The following PAPLN variants were observed in gnomAD, a reference collection of about 807,000 sequenced individuals.
The protein encoded by PAPLN is papilin, proteoglycan like sulfated glycoprotein.
In PAPLN, 146 loss-of-function variants were observed where a neutral mutation model predicts 159.0. The observed-to-expected ratio is 0.92, with a 90% CI of 0.80 to 1.05. The LOEUF is 1.05. Among genes scored for constraint, PAPLN ranks in the 50% least tolerant of loss-of-function variants. PAPLN has a pLI of 0.00. For missense variants in PAPLN, 1,720 were observed against 1,743.9 expected, an observed-to-expected ratio of 0.99 and a Z score of 0.24; for synonymous variants, 734 against 702.9, an observed-to-expected ratio of 1.04 and a Z score of -0.70.
intron 6 of PAPLN, among the ~76,000 whole-genome samples, chr14:73,250,370 G>C (rs557017903): frequency 6.6e-6 from 1 of 152,182 alleles, no homozygotes; most frequent in Non-Finnish European, 1.5e-5. Flanking sequence ...GGCTAAAACC[G>C]ACTTCAGAAA....
At chr14:73,249,304 CAT>C (rs1440745405) in intron 5 of PAPLN, among the ~76,000 whole-genome samples, 3 of 152,146 alleles carry the variant, frequency 2.0e-5, no homozygotes, top group Non-Finnish European at 4.4e-5. Flanking sequence ...CTTCCCACAC[CAT>C]ATAGTCTTCA....
At chr14:73,248,020 GTGTGTGTGTT>G (rs1174421222) in intron 5 of PAPLN, among the ~76,000 whole-genome samples, 4 of 95,668 alleles carry the variant, frequency 4.2e-5, no homozygotes, top group Non-Finnish European at 8.3e-5. Flanking sequence ...GTGTGTGTGT[GTGTGTGTGTT>G]GGGATTGTGG....
At chr14:73,251,063 GC>G (rs1566681810) in intron 7 of PAPLN, 33 bp downstream of exon 7, 2 of 1,592,676 alleles carry the variant, frequency 1.3e-6, no homozygotes, top group African/African-American at 1.3e-5. Flanking sequence ...GCAGTTGCCT[GC>G]CCCCTTCCTT....
intron 5 of PAPLN, among the ~76,000 whole-genome samples, chr14:73,248,032 G>T: frequency 1.1e-5 from 1 of 94,440 alleles, no homozygotes; most frequent in Non-Finnish European, 2.0e-5. Flanking sequence ...GTGTGTGTTG[G>T]GATTGTGGCT....
chr14:73,245,695 AG>A lies in PAPLN; in HGVS notation c.231+1del. 1 of 1,548,306 alleles carries A rather than the reference AG, an allele frequency of 6.5e-7. No individual in the cohort carries two copies. Among genetic ancestry groups the A allele is most frequent in the African/African-American group, 1.4e-5 (1 of 73,576 alleles). On this transcript the variant is annotated frameshift_variant and splice_region_variant, in exon 4 of 27. Coordinates refer to ENST00000644200, the MANE Select transcript of PAPLN (RefSeq NM_001365906.3). LOFTEE classifies it high-confidence loss of function. This position sits in a 1 kb window ranked among gnomAD's most constrained non-coding sequence, Gnocchi z 4.2. ...CGGAGCCACCGCTCTTGTCGCACGG[AG>A]GTAAAGCTCACGGGGCGCGGGCGAA... is the stretch of plus-strand genomic sequence containing the variant. ...PARSHRSCRT[E>X]SCPDGARDFR...
At chr14:73,239,965 C>T in intron 2 of PAPLN, 133 bp downstream of exon 2, 1 of 1,414,322 alleles carries the variant, frequency 7.1e-7, no homozygotes, top group Non-Finnish European at 9.2e-7. Flanking sequence ...GGCGAGCCCG[C>T]ACCGCTGAGC....
chr14:73,249,178 C>G (rs115112033), intron 5 of PAPLN, among the ~76,000 whole-genome samples: 159 of 152,256 alleles, frequency 1.0e-3, no homozygotes, highest in African/African-American at 3.4e-3. Flanking sequence ...GCCCCTTTCA[C>G]AAGATCACTG....
chr14:73,254,853 C>G, intron 13 of PAPLN, 24 bp from the exon 14 acceptor site: 2 of 1,609,062 alleles, frequency 1.2e-6, no homozygotes, highest in South Asian at 2.2e-5. Flanking sequence ...CAGCATCTCT[C>G]TCTCTCCCAC....
upstream of PAPLN, among the ~76,000 whole-genome samples, chr14:73,237,225 G>A (rs746966036): frequency 6.6e-6 from 1 of 152,170 alleles, no homozygotes; most frequent in Non-Finnish European, 1.5e-5. Flanking sequence ...GAGCGGATAG[G>A]GCAAAGCTAG....
intron 26 of PAPLN, among the ~76,000 whole-genome samples, chr14:73,270,362 G>C (rs567712089): frequency 2.6e-5 from 4 of 152,362 alleles, no homozygotes; most frequent in South Asian, 4.1e-4. Flanking sequence ...GAGCCCCAAG[G>C]GGGTGTTACA....
Position 73,260,751 on chromosome 14 carries a change from C to A in PAPLN, c.2028C>A (p.Pro676=). 1 of 1,475,618 alleles carries A rather than the reference C, an allele frequency of 6.8e-7. No homozygotes were observed. The highest frequency in any genetic ancestry group is 1.4e-5 in the African/African-American group (1 of 69,286). 91.4% of individuals were successfully genotyped at this position (1,475,618 alleles called of 1,614,324 possible). Residue 676 remains proline, a synonymous_variant, in exon 17 of 27, where the codon CCC becomes CCA. Transcript: ENST00000644200. ...CPDRVSVAEG[P]HHAGCTKSYG... is the part of the protein sequence containing the mutation. ...ACAGGGTATCTGTCGCTGAGGGGCC[C>A]CATCACGCTGGCTGCACAAAGTCGT...
chr14:73,237,546 C>T lies in PAPLN; in HGVS notation c.-53C>T, dbSNP rs1883103658. 1 of 152,276 alleles carries T rather than the reference C, an allele frequency of 6.6e-6. No individual in the cohort carries two copies. Among genetic ancestry groups the T allele is most frequent in the African/African-American group, 2.4e-5 (1 of 41,462 alleles). The allele number at this position is 152,276 out of a possible 1,614,324, so 9.4% of individuals were successfully genotyped here. A position where few individuals can be genotyped will look rare whatever the true frequency, so the allele number is the denominator to read the frequency against. The stretch of plus-strand genomic sequence containing the variant: ...TCGCGGGCTTGGGCCTGGGCGGGCA[C>T]CGACGGAGCGGCCCTGGCTGCAGCC... On this transcript the variant is annotated 5_prime_UTR_variant, in exon 1 of 27. Coordinates refer to ENST00000644200, the MANE Select transcript of PAPLN (RefSeq NM_001365906.3).
intron 2 of PAPLN, among the ~76,000 whole-genome samples, chr14:73,240,093 AGGT>A (rs1883376770): frequency 6.6e-6 from 1 of 152,302 alleles, no homozygotes; most frequent in Admixed American, 6.5e-5. Context: ...CTCCTTCAGA[AGGT>A]GGTGGGAGCA....
Position 73,265,092 on chromosome 14 carries a change from T to G in PAPLN, c.3126-278T>G. On this transcript the variant is annotated intron_variant, in intron 22 of 26. Transcript: ENST00000644200. The surrounding 1 kb of genome is among the most constrained non-coding windows in gnomAD (Gnocchi z 4.1). ...CCCAACTCAAAGACCTAGTGGCAAATGTGCAGGGTGGGGGGTGACAGATGG... is the reference window on the plus strand; with the variant it reads ...CCCAACTCAAAGACCTAGTGGCAAAGGTGCAGGGTGGGGGGTGACAGATGG... Among the ~76,000 whole-genome samples the G allele has an allele frequency of 6.9e-6, 1 of 145,700 alleles. No individual in the cohort carries two copies.
At chr14:73,246,247 G>T (rs1047088891) in intron 5 of PAPLN, 72 bp downstream of exon 5, 3 of 1,271,032 alleles carry the variant, frequency 2.4e-6, no homozygotes, top group African/African-American at 1.6e-5. Context: ...TCCTATTGCC[G>T]TATTATAGAG....
At chr14:73,258,293 CT>C (rs544118757) in intron 14 of PAPLN, among the ~76,000 whole-genome samples, 134 of 152,176 alleles carry the variant, frequency 8.8e-4, no homozygotes, top group African/African-American at 3.1e-3. Flanking sequence ...TGTTGAGTAT[CT>C]TTTTACGTGT....
chr14:73,264,247 C>T lies in PAPLN; in HGVS notation c.2898C>T (p.His966=), dbSNP rs774030198. 22 of 1,613,994 alleles carry T rather than the reference C, an allele frequency of 1.4e-5. No homozygotes were observed. Among genetic ancestry groups the T allele is most frequent in the Non-Finnish European group, 1.7e-5 (20 of 1,179,996 alleles). The part of the protein sequence containing the change: ...RLQFDGSLII[H]PLQAEDAGTY... ...AGTTCGACGGATCCCTGATCATCCA[C>T]CCCCTGCAGGCAGAGGACGCGGGCA... is the stretch of plus-strand genomic sequence containing the variant. Residue 966 remains histidine, a synonymous_variant, in exon 21 of 27, where the codon CAC becomes CAT. Coordinates refer to ENST00000644200, the MANE Select transcript of PAPLN (RefSeq NM_001365906.3).
At chr14:73,252,578 C>T (rs908387762) in intron 10 of PAPLN, 71 bp from the exon 11 acceptor site, 25 of 1,557,488 alleles carry the variant, frequency 1.6e-5, no homozygotes, top group Middle Eastern at 1.8e-4. Flanking sequence ...TGCAGGATGG[C>T]GCCTGGCCCA....
Position 73,254,976 on chromosome 14 carries a change from G to T in PAPLN, c.1585G>T (p.Asp529Tyr), listed in dbSNP as rs1241474812. Reference protein sequence around the residue: ...CGSLQHSKPVDVEPCNTQPCH... With the variant: ...CGSLQHSKPVYVEPCNTQPCH... ...GAGCCTGCAGCACTCCAAGCCTGTG[G>T]ATGTGGAGCCTTGTAACACGCAGCC... is the stretch of plus-strand genomic sequence containing the variant. Residue 529 changes from aspartate to tyrosine, a missense_variant, in exon 14 of 27, where the codon GAT becomes TAT. By Grantham distance (160) the Asp-to-Tyr change is radical. Transcript: ENST00000644200. 2 of 1,613,738 alleles carry T rather than the reference G, an allele frequency of 1.2e-6. No individual in the cohort carries two copies. The highest frequency in any genetic ancestry group is 1.7e-6 in the Non-Finnish European group (2 of 1,179,984).
Sources: gnomAD v4.1 joint callset for allele counts (sites outside exome capture counted in the v4.1 genomes callset) on GRCh38, gnomAD v4.1.1 for gene constraint, Gnocchi (gnomAD v3.1) non-coding constraint, MANE v1.5 for transcripts, NCBI Gene and HGNC (gene_info 2026-07-23, HGNC 2026-07-21) for gene names.